The following EPS15 variants were observed in gnomAD, a reference collection of about 807,000 sequenced individuals.
EPS15 encodes the protein epidermal growth factor receptor substrate 15.
Under a neutral mutation model 113.8 loss-of-function variants are expected in EPS15, and 72 were observed. The observed-to-expected ratio is 0.63, with a 90% confidence interval of 0.52 to 0.77. The LOEUF is 0.77. Ranked by LOEUF, EPS15 falls within the 30% of genes least tolerant of loss-of-function variation. EPS15 has a pLI of 0.00. For missense variants in EPS15, 1,048 were observed against 1,045.8 expected, an observed-to-expected ratio of 1.00 and a Z score of -0.03; for synonymous variants, 344 against 363.4, an observed-to-expected ratio of 0.95 and a Z score of 0.61.
intron 1 of EPS15, among the ~76,000 whole-genome samples, chr1:51,512,843 C>CTTTTTTTT (rs59750666): frequency 5.1e-5 from 6 of 118,714 alleles, no homozygotes; most frequent in Non-Finnish European, 6.8e-5. Flanking sequence ...TGAGCAATAT[C>CTTTTTTTT]TTTTTTTTTT....
intron 1 of EPS15, among the ~76,000 whole-genome samples, chr1:51,484,762 A>C (rs1644089787): frequency 6.6e-6 from 1 of 152,222 alleles, no homozygotes; most frequent in Admixed American, 6.5e-5. Flanking sequence ...AATATTTGAC[A>C]CTGGTGCTCC....
At chr1:51,380,705 A>G (rs907763683) in intron 21 of EPS15, among the ~76,000 whole-genome samples, 1 of 152,236 alleles carries the variant, frequency 6.6e-6, no homozygotes, top group Non-Finnish European at 1.5e-5. Context: ...ATCAGTAATT[A>G]CTTTAAATGT....
intron 11 of EPS15, among the ~76,000 whole-genome samples, chr1:51,443,039 T>C (rs748156034): frequency 3.3e-5 from 5 of 152,206 alleles, no homozygotes; most frequent in South Asian, 2.1e-4. Flanking sequence ...ATTTTTAAAG[T>C]TAAAATTTTG....
intron 12 of EPS15, among the ~76,000 whole-genome samples, chr1:51,428,826 CAAAAAAAAAAA>C (rs902706524): frequency 7.4e-5 from 4 of 53,846 alleles, no homozygotes; most frequent in Admixed American, 4.3e-4. Flanking sequence ...GACTCCATCT[CAAAAAAAAAAA>C]AAAAAAAAAA....
At chr1:51,423,392 A>G in intron 12 of EPS15, 1 of 1,089,136 alleles carries the variant, frequency 9.2e-7, no homozygotes, top group East Asian at 7.0e-5. Context: ...CACGGGGAAA[A>G]ATTTCTGAAA....
intron 6 of EPS15, among the ~76,000 whole-genome samples, chr1:51,464,447 G>A (rs1424352619): frequency 6.6e-6 from 1 of 151,828 alleles, no homozygotes; most frequent in African/African-American, 2.4e-5. Flanking sequence ...TCACTATGTT[G>A]GCCAGGCTGG....
intron 21 of EPS15, among the ~76,000 whole-genome samples, chr1:51,392,554 C>G (rs766138798): frequency 1.3e-5 from 2 of 152,174 alleles, no homozygotes; most frequent in Non-Finnish European, 2.9e-5. Flanking sequence ...TCAGCCTTGA[C>G]TATTCCTCTA....
intron 21 of EPS15, among the ~76,000 whole-genome samples, chr1:51,379,024 G>C (rs1039538018): frequency 2.0e-5 from 3 of 152,244 alleles, no homozygotes; most frequent in Admixed American, 2.0e-4. Context: ...CCTATGCTGA[G>C]TTACATTATA....
In EPS15 at chr1:51,454,145, G is replaced by A. The variant is rs1057214135; in HGVS notation, c.562-6010C>T. 4.6e-5 allele frequency among the ~76,000 whole-genome samples: 7 copies of A among 150,930 alleles called. No homozygotes were observed. The South Asian group carries it at 1.0e-3, about 23-fold the overall frequency. On this transcript the variant is annotated intron_variant, in intron 8 of 24. Transcript: ENST00000371733. ...TGTAAACAGTTAATTTTAATACAAC[G>A]TGATACACACTAATACACACAAAAA...
Position 51,445,035 on chromosome 1 carries a change from C to T in EPS15, c.808G>A (p.Asp270Asn), listed in dbSNP as rs1412487809. The change falls in exon 11 of 25, where the codon GAC becomes AAC. Residue 270 changes from aspartate (D) to asparagine (N), a missense_variant. Physicochemically the swap from Asp to Asn is conservative, Grantham distance 23. Coordinates refer to ENST00000371733, the MANE Select transcript of EPS15 (RefSeq NM_001981.3). Reference sequence around the variant, plus strand: ...GAAAGCTTCCCACAGTCCTTTGTGTCGCATAATGACCTGCACAAATAAACA... The same window carrying T: ...GAAAGCTTCCCACAGTCCTTTGTGTTGCATAATGACCTGCACAAATAAACA... ...TLLAHIWSLCDTKDCGKLSKD... is the reference protein window; with the variant it reads ...TLLAHIWSLCNTKDCGKLSKD... The T allele has an allele frequency of 5.6e-6, 9 of 1,613,228 alleles. No homozygotes were observed. Among genetic ancestry groups the T allele is most frequent in the East Asian group, 2.2e-5 (1 of 44,834 alleles).
chr1:51,485,244 A>G (rs1317467019), intron 1 of EPS15, among the ~76,000 whole-genome samples: 2 of 152,240 alleles, frequency 1.3e-5, no homozygotes, highest in Non-Finnish European at 2.9e-5. Flanking sequence ...TACTGAATAC[A>G]ATAAAATAGT....
intron 4 of EPS15, among the ~76,000 whole-genome samples, chr1:51,470,807 A>T (rs1269117430): frequency 1.3e-5 from 2 of 152,184 alleles, no homozygotes; most frequent in African/African-American, 4.8e-5. Flanking sequence ...GTAAAACCTT[A>T]AGACAGTGAC....
intron 8 of EPS15, among the ~76,000 whole-genome samples, chr1:51,449,732 G>T (rs1290639796): frequency 6.6e-6 from 1 of 151,518 alleles, no homozygotes; most frequent in Non-Finnish European, 1.5e-5. Flanking sequence ...GGGGGCTAGG[G>T]TTTTTCAGAC....
intron 1 of EPS15, among the ~76,000 whole-genome samples, chr1:51,490,165 A>T (rs1644204952): frequency 6.6e-6 from 1 of 152,230 alleles, no homozygotes; most frequent in Non-Finnish European, 1.5e-5. Flanking sequence ...GGGGAGGGTT[A>T]TGTGGGAGGA....
intron 5 of EPS15, among the ~76,000 whole-genome samples, chr1:51,467,296 C>T (rs1190057965): frequency 1.3e-5 from 2 of 152,158 alleles, no homozygotes; most frequent in Admixed American, 6.5e-5. Context: ...AAGGCAAAAA[C>T]TTTTGAACAG....
Position 51,456,310 on chromosome 1 carries a change from T to G in EPS15, c.561+4781A>C, listed in dbSNP as rs1459900418. 2.6e-5 allele frequency among the ~76,000 whole-genome samples: 4 copies of G among 152,218 alleles called. No individual in the cohort carries two copies. In the East Asian group the frequency reaches 5.8e-4, roughly 22 times the overall value. On this transcript the variant is annotated intron_variant, in intron 8 of 24. Transcript: ENST00000371733. ...CCCAAGTTAGAGTCCTCTCTTTAAC[T>G]TCATTTTCATTTTTTCCCATTCAAA...
intron 16 of EPS15, among the ~76,000 whole-genome samples, chr1:51,404,378 A>C (rs1455235745): frequency 1.5e-5 from 2 of 129,356 alleles, no homozygotes; most frequent in African/African-American, 6.5e-5. Context: ...ACTCCGTCTC[A>C]AAAAAAAAAA....
intron 21 of EPS15, among the ~76,000 whole-genome samples, chr1:51,380,288 T>C (rs987369691): frequency 6.6e-6 from 1 of 152,002 alleles, no homozygotes; most frequent in African/African-American, 2.4e-5. Context: ...GAAAGGATGT[T>C]AGACACCAAA....
At chr1:51,492,753 T>C (rs1233844762) in intron 1 of EPS15, among the ~76,000 whole-genome samples, 1 of 151,990 alleles carries the variant, frequency 6.6e-6, no homozygotes, top group Non-Finnish European at 1.5e-5. Flanking sequence ...AGCATGATCT[T>C]TAAGCATGAA....
Sources: gnomAD v4.1 joint callset for allele counts (sites outside exome capture counted in the v4.1 genomes callset) on GRCh38, gnomAD v4.1.1 for gene constraint, MANE v1.5 for transcripts, NCBI Gene and HGNC (gene_info 2026-07-23, HGNC 2026-07-21) for gene names.